Variants in C1orf174 observed in about 807,000 individuals in gnomAD.
C1orf174 encodes the protein UPF0688 protein C1orf174.
In C1orf174, 13 loss-of-function variants were observed where a neutral mutation model predicts 18.4. The ratio of observed to expected loss-of-function variants is 0.71; its 90% CI spans 0.46 to 1.12. The LOEUF (loss-of-function observed/expected upper bound fraction) is 1.12, where lower values mean the gene tolerates loss of function less well. Among genes scored for constraint, C1orf174 ranks in the 50% most tolerant of loss-of-function variants. The probability of loss-of-function intolerance (pLI) is 0.00; values close to 1 mark genes in which losing one functional copy is unlikely to be tolerated. For synonymous variants in C1orf174, 100 were observed against 118.3 expected (o/e 0.85, Z 1.01); for missense variants, 309 against 308.0 (o/e 1.00, Z -0.02).
In C1orf174 at chr1:3,900,153, G is replaced by GCCGGGACCCAGCCCTCACCTT; in HGVS notation, c.13_15+18dup. 5.7e-6 allele frequency: 9 copies of GCCGGGACCCAGCCCTCACCTT among 1,577,828 alleles called. No individual in the cohort carries two copies. The highest frequency in any genetic ancestry group is 6.8e-6 in the Non-Finnish European group (8 of 1,171,426). ...CCCCGCCCTGCCCGGCGCAGCTGCT[G>GCCGGGACCCAGCCCTCACCTT]CCGGGACCCAGCCCTCACCTTCCGG... On this transcript the variant is annotated intron_variant, in intron 1 of 3. Transcript: ENST00000361605.
rs111407438 is a variant in C1orf174 at position 3,893,020 on chromosome 1, G to C, written c.16-24C>G. On this transcript the variant is annotated intron_variant, in intron 1 of 3. Coordinates refer to ENST00000361605, the MANE Select transcript of C1orf174 (RefSeq NM_207356.3). ...AGCTAGAGAGATTGAGAGCCACTCA[G>C]AGAGTGCTCTCAGGAAGGCAGCATG... The C allele has an allele frequency of 1.7e-3, 2,742 of 1,610,286 alleles. 44 individuals are homozygous for C. In the African/African-American group the frequency reaches 0.032, roughly 19 times the overall value.
intron 1 of C1orf174, among the ~76,000 whole-genome samples, chr1:3,898,555 A>C (rs1020632609): frequency 5.9e-5 from 8 of 135,592 alleles, no homozygotes; most frequent in Admixed American, 3.6e-4. Context: ...ACAACAACAA[A>C]ACTCACTTTA....
chr1:3,890,715 T>C lies in C1orf174; in HGVS notation c.472A>G (p.Thr158Ala). 6.2e-7 allele frequency: 1 copy of C among 1,614,124 alleles called. No individual in the cohort carries two copies. The highest frequency in any genetic ancestry group is 8.5e-7 in the Non-Finnish European group (1 of 1,180,034). The change falls in exon 3 of 4, where the codon ACT becomes GCT. Residue 158 changes from threonine to alanine, a missense_variant. Physicochemically the swap from Thr to Ala is moderately conservative, Grantham distance 58. Coordinates refer to ENST00000361605, the MANE Select transcript of C1orf174 (RefSeq NM_207356.3). The part of the protein sequence containing the change: ...SGAEESNSSS[T>A]VQKQNEPGLQ... ...CCTGGCTCATTCTGCTTCTGCACAG[T>C]GGAGCTGCTGTTGGATTCTTCTGCT...
chr1:3,891,657 G>A (rs1638518069), intron 2 of C1orf174: 2 of 985,960 alleles, frequency 2.0e-6, no homozygotes, highest in Middle Eastern at 5.2e-4. Context: ...CCTCGGAATC[G>A]ATGGCTGGGC....
At chr1:3,896,826 G>A (rs956372703) in intron 1 of C1orf174, among the ~76,000 whole-genome samples, 82 of 152,316 alleles carry the variant, frequency 5.4e-4, no homozygotes, top group African/African-American at 1.8e-3. Context: ...GGCTGTTGCT[G>A]AGAACAGCAC....
chr1:3,891,065 GA>G lies in C1orf174; in HGVS notation c.130-9del. 4 of 1,590,536 alleles carry G rather than the reference GA, an allele frequency of 2.5e-6. No individual in the cohort carries two copies. The highest frequency in any genetic ancestry group is 1.7e-6 in the Non-Finnish European group (2 of 1,171,450). ...TTTGTGGGATGAGGAAGTCTGTCAA[GA>G]AAAAAAATGTAAGGGGAACCAGACA... On this transcript the variant is annotated splice_polypyrimidine_tract_variant and intron_variant, in intron 2 of 3. Transcript: ENST00000361605.
chr1:3,898,516 AAAC>A (rs774183697), intron 1 of C1orf174, among the ~76,000 whole-genome samples: 2,326 of 139,296 alleles, frequency 0.017, 23 homozygotes, highest in African/African-American at 0.042. Context: ...CTCAAAGCAA[AAAC>A]AACAACAACA....
At chr1:3,899,968 C>T (rs1319695628) in intron 1 of C1orf174, among the ~76,000 whole-genome samples, 1 of 152,120 alleles carries the variant, frequency 6.6e-6, no homozygotes, top group African/African-American at 2.4e-5. Context: ...CCGGAGCCCC[C>T]TTTTCACAGG....
At position 3,890,720 on chromosome 1, in the gene C1orf174, C is replaced by A; in HGVS notation, c.467G>T (p.Ser156Ile). 3.1e-6 allele frequency: 5 copies of A among 1,614,098 alleles called. No homozygotes were observed. In the Middle Eastern group the frequency reaches 4.9e-4, roughly 160 times the overall value. Residue 156 changes from serine (S) to isoleucine (I), a missense_variant, in exon 3 of 4, where the codon AGC becomes ATC. Physicochemically the swap from Ser to Ile is moderately radical, Grantham distance 142. Transcript: ENST00000361605. ...CTCATTCTGCTTCTGCACAGTGGAG[C>A]TGCTGTTGGATTCTTCTGCTCCGGA... ...AGSGAEESNS[S>I]STVQKQNEPG...
chr1:3,889,728 A>C lies in C1orf174; in HGVS notation c.*232T>G. ...AAAAAAAAAAAAAAAAAAAGAAAGG[A>C]CATTGGCACAGTACAGCAGCTTTGC... On this transcript the variant is annotated 3_prime_UTR_variant, in exon 4 of 4. Transcript: ENST00000361605. 2 of 376,274 alleles carry C rather than the reference A, an allele frequency of 5.3e-6. No individual in the cohort carries two copies. The highest frequency in any genetic ancestry group is 9.7e-6 in the Non-Finnish European group (2 of 206,260). The allele number at this position is 376,274 out of a possible 1,614,324, so 23.3% of individuals were successfully genotyped here.
intron 1 of C1orf174, 25 bp downstream of exon 1, chr1:3,900,147 G>A (rs1225447793): frequency 1.3e-6 from 2 of 1,574,880 alleles, no homozygotes; most frequent in African/African-American, 1.4e-5. Flanking sequence ...GCCCGGCGCA[G>A]CTGCTGCCGG....
chr1:3,892,956 C>T lies in C1orf174; in HGVS notation c.56G>A (p.Arg19Gln), dbSNP rs79466209. 2.1e-3 allele frequency: 3,418 copies of T among 1,614,152 alleles called. 13 individuals are homozygous for T. The highest frequency in any genetic ancestry group is 0.019 in the African/African-American group (1,390 of 75,040). Residue 19 changes from arginine to glutamine, a missense_variant, in exon 2 of 4, where the codon CGA becomes CAA. Arg to Gln is a conservative substitution (Grantham distance 43). Transcript: ENST00000361605. Reference sequence around the variant, plus strand: ...GGCCAACCTGGCTGCCGAACAACTTCGTGCTTTCAAGCGCGCTGAAGACCG... The same window carrying T: ...GGCCAACCTGGCTGCCGAACAACTTTGTGCTTTCAAGCGCGCTGAAGACCG... ...AVRSSARLKA[R>Q]SCSAARLASA...
rs781388402 is a variant in C1orf174, at chr1:3,890,971, CT to C, written c.215del (p.Gln72ArgfsTer15). ...CGCTGTCATTCTTAGGGACAAGCTT[CT>C]GTAATTCTGACTTCACAAGATGTCC... ...DKGHLVKSEL[Q>X]KLVPKNDSAS... On this transcript the variant is annotated frameshift_variant, in exon 3 of 4. Transcript: ENST00000361605. LOFTEE classifies it high-confidence loss of function. The C allele has an allele frequency of 6.2e-7, 1 of 1,614,228 alleles. No homozygotes were observed. Among genetic ancestry groups the C allele is most frequent in the Non-Finnish European group, 8.5e-7 (1 of 1,180,044 alleles).
At chr1:3,900,073 C>A in intron 1 of C1orf174, 99 bp downstream of exon 1, 1 of 1,433,288 alleles carries the variant, frequency 7.0e-7, no homozygotes, top group South Asian at 1.3e-5. Context: ...CGCTCCTAGG[C>A]CACAGGCACC....
At chr1:3,898,670 C>G (rs983995993) in intron 1 of C1orf174, among the ~76,000 whole-genome samples, 2 of 152,152 alleles carry the variant, frequency 1.3e-5, no homozygotes, top group African/African-American at 4.8e-5. Flanking sequence ...TAATTATGTT[C>G]TTATATAGTT....
At chr1:3,900,032 C>A (rs1413612613) in intron 1 of C1orf174, 140 bp downstream of exon 1, 1 of 1,065,252 alleles carries the variant, frequency 9.4e-7, no homozygotes, top group African/African-American at 1.7e-5. Context: ...AGCCCCCCAA[C>A]TACTGCCGGG....
intron 1 of C1orf174, among the ~76,000 whole-genome samples, chr1:3,894,616 A>G (rs1638573085): frequency 6.6e-6 from 1 of 151,642 alleles, no homozygotes; most frequent in African/African-American, 2.4e-5. Flanking sequence ...CAAAAAAAAA[A>G]AAAAAAAGAA....
intron 2 of C1orf174, 101 bp from the exon 3 acceptor site, chr1:3,891,158 G>A: frequency 1.4e-6 from 2 of 1,401,866 alleles, no homozygotes; most frequent in Middle Eastern, 1.9e-4. Context: ...AAATGATAAA[G>A]ATGCTGTGAC....
Position 3,889,821 on chromosome 1 carries a change from C to T in C1orf174, c.*139G>A. On this transcript the variant is annotated 3_prime_UTR_variant, in exon 4 of 4. Transcript: ENST00000361605. ...CTCCACAGGTATTGGGTGCTTTGCA[C>T]TATTGACTTAGATGGGTCAGTTCTG... The T allele has an allele frequency of 1.3e-6, 1 of 783,998 alleles. No homozygotes were observed. Among genetic ancestry groups the T allele is most frequent in the Non-Finnish European group, 2.2e-6 (1 of 459,082 alleles). 48.6% of individuals were successfully genotyped at this position (783,998 alleles called of 1,614,324 possible). A position where few individuals can be genotyped will look rare whatever the true frequency, so the allele number is the denominator to read the frequency against.
Sources: gnomAD v4.1 joint callset for allele counts (sites outside exome capture counted in the v4.1 genomes callset) on GRCh38, gnomAD v4.1.1 for gene constraint, MANE v1.5 for transcripts, NCBI Gene and HGNC (gene_info 2026-07-23, HGNC 2026-07-21) for gene names.